PRELID2: variants seen among roughly 807,000 people sequenced by gnomAD.
PRELID2 encodes the protein PRELI domain-containing protein 2.
A neutral mutation model predicts 28.4 loss-of-function variants in PRELID2; 25 were observed. The ratio of observed to expected loss-of-function variants is 0.88; its 90% CI spans 0.64 to 1.23. The LOEUF (loss-of-function observed/expected upper bound fraction) is 1.23. PRELID2 is among the 50% of genes most tolerant of loss of function. The pLI is 0.00. For missense variants in PRELID2, 201 were observed against 214.4 expected (o/e 0.94, Z 0.39); for synonymous variants, 76 against 71.6 (o/e 1.06, Z -0.31).
intron 5 of PRELID2, among the ~76,000 whole-genome samples, chr5:145,770,314 G>A (rs577784188): frequency 5.9e-5 from 9 of 151,852 alleles, no homozygotes; most frequent in Non-Finnish European, 1.0e-4. Flanking sequence ...CCAGGAGTTC[G>A]AGACCAGCTT....
At chr5:145,813,749 T>C (rs1048666235) in intron 4 of PRELID2, among the ~76,000 whole-genome samples, 2 of 152,136 alleles carry the variant, frequency 1.3e-5, no homozygotes, top group African/African-American at 4.8e-5. Flanking sequence ...AAGGCAGTGT[T>C]TTGGAGAGGA....
At chr5:145,813,383 A>G (rs1465674659) in intron 4 of PRELID2, among the ~76,000 whole-genome samples, 2 of 152,236 alleles carry the variant, frequency 1.3e-5, no homozygotes, top group Admixed American at 6.5e-5. Flanking sequence ...CTAAGGAAAC[A>G]TAAGTTCTCT....
At chr5:145,669,712 C>G (rs1181633458) in intron 1 of PRELID2, among the ~76,000 whole-genome samples, 2 of 152,154 alleles carry the variant, frequency 1.3e-5, no homozygotes, top group Non-Finnish European at 2.9e-5. Flanking sequence ...GCCTATCTCT[C>G]CAGTAGCCTC....
chr5:145,431,019 T>TTG, the PRELID2 span, among the ~76,000 whole-genome samples: 1 of 145,524 alleles, frequency 6.9e-6, no homozygotes, highest in Non-Finnish European at 1.5e-5. Flanking sequence ...TTTTTTTTTT[T>TTG]TTTTTTTTTT....
Position 145,745,270 on chromosome 5 carries a change from C to G in PRELID2, n.70+19661G>C, listed in dbSNP as rs4358579. On this transcript the variant is annotated intron_variant and non_coding_transcript_variant, in intron 1 of 2. Transcript: ENST00000510259. ...CTGAAGGAGATGCGGAGCATGGAAA[C>G]AAGCTGGAAAACACACTTCAGGATA... Among the ~76,000 whole-genome samples the G allele has an allele frequency of 0.038, 5,710 of 152,202 alleles. 560 individuals carry two copies. In the East Asian group the frequency reaches 0.39, roughly 10 times the overall value.
the PRELID2 span, among the ~76,000 whole-genome samples, chr5:145,304,045 T>C: frequency 2.0e-5 from 3 of 152,164 alleles, no homozygotes; most frequent in Non-Finnish European, 4.4e-5. Context: ...GGGCACTTTC[T>C]TCCAAAAACA....
At chr5:145,307,433 C>T in the PRELID2 span, among the ~76,000 whole-genome samples, 5 of 152,162 alleles carry the variant, frequency 3.3e-5, no homozygotes, top group African/African-American at 1.2e-4. Flanking sequence ...TTGTTGAAGA[C>T]CTTCTGTTAC....
intron 1 of PRELID2, among the ~76,000 whole-genome samples, chr5:145,741,964 A>AAATTTATTTATTATAAAT (rs1306072856): frequency 3.4e-4 from 24 of 69,822 alleles, no homozygotes; most frequent in East Asian, 2.9e-3. Flanking sequence ...ATAATTAAAT[A>AAATTTATTTATTATAAAT]AATAAATTTA....
At chr5:145,823,554 C>T (rs1754974382) in intron 1 of PRELID2, among the ~76,000 whole-genome samples, 1 of 152,176 alleles carries the variant, frequency 6.6e-6, no homozygotes, top group South Asian at 2.1e-4. Context: ...CCCCATCTTT[C>T]AGATACGGAA....
chr5:145,442,317 C>A, the PRELID2 span, among the ~76,000 whole-genome samples: 1 of 151,968 alleles, frequency 6.6e-6, no homozygotes, highest in Non-Finnish European at 1.5e-5. Flanking sequence ...ATTCTGAATA[C>A]CTTTAGTTGT....
the PRELID2 span, among the ~76,000 whole-genome samples, chr5:145,354,089 G>A: frequency 6.6e-6 from 1 of 152,144 alleles, no homozygotes; most frequent in Non-Finnish European, 1.5e-5. Flanking sequence ...ATAGTACTTT[G>A]TGGTTTCAAA....
chr5:145,233,672 G>T, the PRELID2 span, among the ~76,000 whole-genome samples: 2 of 152,146 alleles, frequency 1.3e-5, no homozygotes, highest in South Asian at 2.1e-4. Flanking sequence ...AAAGGAGAAA[G>T]TCCATTCAGG....
intron 4 of PRELID2, among the ~76,000 whole-genome samples, chr5:145,816,169 G>A (rs1377897899): frequency 1.5e-5 from 2 of 137,650 alleles, no homozygotes; most frequent in East Asian, 2.1e-4. Flanking sequence ...TGAAACCTTC[G>A]TCTCCTGGGT....
At chr5:145,680,561 C>T (rs1331978767) in intron 1 of PRELID2, among the ~76,000 whole-genome samples, 1 of 152,140 alleles carries the variant, frequency 6.6e-6, no homozygotes, top group Non-Finnish European at 1.5e-5. Context: ...TGGCATGAAT[C>T]TGTGAGAAGA....
intron 1 of PRELID2, among the ~76,000 whole-genome samples, chr5:145,669,729 T>G (rs1754668392): frequency 6.6e-6 from 1 of 152,184 alleles, no homozygotes. Context: ...CCTCTCTCTG[T>G]GCTCTGGCCA....
At chr5:145,514,696 T>A (rs1265267870) in intron 1 of PRELID2, among the ~76,000 whole-genome samples, 1 of 152,202 alleles carries the variant, frequency 6.6e-6, no homozygotes, top group Admixed American at 6.5e-5. Context: ...AGCATATTCA[T>A]TCTTCTCAGC....
chr5:145,407,563 G>A, the PRELID2 span, among the ~76,000 whole-genome samples: 1 of 152,094 alleles, frequency 6.6e-6, no homozygotes, highest in African/African-American at 2.4e-5. Context: ...ATTCTTAGAA[G>A]CCCTATGGCT....
At chr5:145,725,515 G>T (rs1756121667) in intron 1 of PRELID2, among the ~76,000 whole-genome samples, 2 of 152,152 alleles carry the variant, frequency 1.3e-5, no homozygotes, top group South Asian at 4.1e-4. Flanking sequence ...TGACAAGAAA[G>T]ACCTTATTCA....
At chr5:145,426,823 A>G in the PRELID2 span, among the ~76,000 whole-genome samples, 3 of 152,310 alleles carry the variant, frequency 2.0e-5, no homozygotes, top group South Asian at 6.2e-4. Flanking sequence ...GAATATGGAG[A>G]AAGAAAAGAA....
Sources: allele counts gnomAD v4.1 joint callset (sites outside exome capture counted in the v4.1 genomes callset), GRCh38; gene constraint gnomAD v4.1.1; transcripts MANE v1.5; gene names NCBI Gene and HGNC (gene_info 2026-07-23, HGNC 2026-07-21).